The following CPM variants were observed in gnomAD, a reference collection of about 807,000 sequenced individuals.
CPM encodes the protein renal carboxypeptidase.
CPM carries 35 observed loss-of-function variants against 46.4 expected under a neutral mutation model. The observed-to-expected ratio is 0.75, with a 90% confidence interval of 0.58 to 1.00. CPM has a LOEUF of 1.00. Among genes scored for constraint, CPM ranks in the 50% least tolerant of loss-of-function variants. CPM has a pLI of 0.00. For synonymous variants in CPM, 195 were observed against 195.3 expected, an observed-to-expected ratio of 1.00 and a Z score of 0.01; for missense variants, 422 against 530.4, an observed-to-expected ratio of 0.80 and a Z score of 2.01.
At chr12:68,883,958 A>T (rs1328326546) in intron 3 of CPM, among the ~76,000 whole-genome samples, 1 of 151,500 alleles carries the variant, frequency 6.6e-6, no homozygotes, top group African/African-American at 2.4e-5. Flanking sequence ...ATACAAAAAA[A>T]AATTAGCTGG....
At chr12:68,845,483 T>G (rs1884218075) in intron 5 of CPM, 1 of 204,004 alleles carries the variant, frequency 4.9e-6, no homozygotes, top group Non-Finnish European at 1.0e-5. Flanking sequence ...AAATGATTGC[T>G]GTACTCAAAT....
chr12:68,906,399 T>C (rs538677062), intron 2 of CPM, among the ~76,000 whole-genome samples: 52 of 152,194 alleles, frequency 3.4e-4, no homozygotes, highest in African/African-American at 1.2e-3. Context: ...GAAATAACAA[T>C]ATACATAGAA....
chr12:68,882,866 T>A (rs1025336248), intron 3 of CPM, among the ~76,000 whole-genome samples: 3 of 152,112 alleles, frequency 2.0e-5, no homozygotes, highest in East Asian at 1.9e-4. Flanking sequence ...ATTTCTAATT[T>A]AAAAAAAGAC....
chr12:68,910,897 C>T (rs1887567971), intron 2 of CPM, among the ~76,000 whole-genome samples: 1 of 151,970 alleles, frequency 6.6e-6, no homozygotes, highest in South Asian at 2.1e-4. Flanking sequence ...CCTAAGATAA[C>T]TACATTATCG....
chr12:68,898,352 A>C (rs1886972812), intron 2 of CPM, among the ~76,000 whole-genome samples: 1 of 152,106 alleles, frequency 6.6e-6, no homozygotes, highest in Non-Finnish European at 1.5e-5. Context: ...GTTTCCCCAT[A>C]AGCTACTGTG....
chr12:68,931,794 G>A lies in CPM; in HGVS notation c.160+884C>T, dbSNP rs188742631. Reference sequence around the variant, plus strand: ...AAGAAAGAAAGAAAGAAAGAAAGATGAAATAACGATATCTGATCAAATTAT... The same window carrying A: ...AAGAAAGAAAGAAAGAAAGAAAGATAAAATAACGATATCTGATCAAATTAT... On this transcript the variant is annotated intron_variant, in intron 2 of 8. Transcript: ENST00000551568. 2.8e-3 allele frequency among the ~76,000 whole-genome samples: 381 copies of A among 137,276 alleles called. 4 individuals carry two copies. Among genetic ancestry groups the A allele is most frequent in the Non-Finnish European group, 4.9e-3 (307 of 62,872 alleles). The allele number at this position is 137,276 out of a possible 152,430, so 90.1% of individuals were successfully genotyped here. A position where few individuals can be genotyped will look rare whatever the true frequency, so the allele number is the denominator to read the frequency against.
chr12:68,891,124 A>T (rs1886637228), intron 2 of CPM, among the ~76,000 whole-genome samples: 1 of 152,232 alleles, frequency 6.6e-6, no homozygotes, highest in Non-Finnish European at 1.5e-5. Flanking sequence ...GCTGCACTGT[A>T]GTGTGAGTTC....
intron 1 of CPM, among the ~76,000 whole-genome samples, chr12:68,947,575 C>A (rs561124941): frequency 6.8e-6 from 1 of 146,920 alleles, no homozygotes; most frequent in African/African-American, 2.5e-5. Context: ...CCAGCCTGGG[C>A]AACAGAGTAA....
At position 68,889,228 on chromosome 12, in the gene CPM, T is replaced by C. The variant is rs986632756; in HGVS notation, c.161-3339A>G. Among the ~76,000 whole-genome samples the C allele has an allele frequency of 2.6e-5, 4 of 152,346 alleles. No homozygotes were observed. The East Asian group carries it at 5.8e-4, about 22-fold the overall frequency. ...ATATTTAGGTACACTCATTTCATTT[T>C]ATACATAATCGTGAACATGTTTATA... On this transcript the variant is annotated intron_variant, in intron 2 of 8. Transcript: ENST00000551568.
intron 2 of CPM, among the ~76,000 whole-genome samples, chr12:68,924,338 T>G (rs537173278): frequency 2.0e-5 from 3 of 152,018 alleles, no homozygotes; most frequent in Admixed American, 2.0e-4. Context: ...CTACCAAAAA[T>G]TAGCCAGGCG....
At chr12:68,888,051 A>C (rs770918101) in intron 2 of CPM, among the ~76,000 whole-genome samples, 3 of 152,228 alleles carry the variant, frequency 2.0e-5, no homozygotes, top group Non-Finnish European at 4.4e-5. Flanking sequence ...GGAACTTTTC[A>C]TGAGTGAGCT....
intron 1 of CPM, among the ~76,000 whole-genome samples, chr12:68,950,422 G>A (rs1368216367): frequency 6.6e-6 from 1 of 152,170 alleles, no homozygotes. Context: ...AGGAGAGAAA[G>A]GGAAATAGAT....
chr12:68,959,552 T>A (rs902642798), intron 1 of CPM, among the ~76,000 whole-genome samples: 1 of 152,184 alleles, frequency 6.6e-6, no homozygotes, highest in Non-Finnish European at 1.5e-5. Flanking sequence ...TACATTATAA[T>A]GAAAGTGTGA....
chr12:68,928,877 C>G (rs1317567570), intron 2 of CPM, among the ~76,000 whole-genome samples: 1 of 151,554 alleles, frequency 6.6e-6, no homozygotes, highest in African/African-American at 2.4e-5. Flanking sequence ...GTAGCTGGGA[C>G]CACAGGCATG....
intron 7 of CPM, among the ~76,000 whole-genome samples, chr12:68,862,998 A>G (rs1885276387): frequency 1.3e-5 from 2 of 152,228 alleles, no homozygotes; most frequent in African/African-American, 4.8e-5. Context: ...AATGGATTAG[A>G]GCTTCATGAA....
chr12:68,933,003 G>T (rs1888577549), intron 1 of CPM, 139 bp downstream of exon 1: 2 of 598,206 alleles, frequency 3.3e-6, no homozygotes, highest in South Asian at 4.5e-5. Context: ...AGTGAGCCGT[G>T]CAACCAGAGA....
downstream of CPM, chr12:68,847,057 C>T: frequency 6.7e-6 from 1 of 150,074 alleles, no homozygotes; most frequent in South Asian, 2.1e-4. Context: ...GCAAACATGA[C>T]TCACTGCAGC....
intron 1 of CPM, among the ~76,000 whole-genome samples, chr12:68,951,682 G>T (rs190342149): frequency 1.1e-4 from 17 of 152,306 alleles, no homozygotes; most frequent in African/African-American, 3.8e-4. Flanking sequence ...CAGCGAGTGG[G>T]TCGTATGTCC....
intron 2 of CPM, among the ~76,000 whole-genome samples, chr12:68,897,235 C>T (rs921203791): frequency 2.6e-5 from 4 of 151,652 alleles, no homozygotes; most frequent in Admixed American, 1.3e-4. Flanking sequence ...AATTATCATG[C>T]CCCAATCATT....
Sources: allele counts gnomAD v4.1 joint callset (sites outside exome capture counted in the v4.1 genomes callset), GRCh38; gene constraint gnomAD v4.1.1; transcripts MANE v1.5; gene names NCBI Gene and HGNC (gene_info 2026-07-23, HGNC 2026-07-21).